DYNC2H1: variants seen among roughly 807,000 people sequenced by gnomAD.
DYNC2H1 encodes the protein dynein cytoplasmic 2 heavy chain 1.
A neutral mutation model predicts 570.0 loss-of-function variants in DYNC2H1; 410 were observed. The ratio of observed to expected loss-of-function variants is 0.72; its 90% CI spans 0.66 to 0.78. The LOEUF (loss-of-function observed/expected upper bound fraction) is 0.78. Ranked by LOEUF, DYNC2H1 falls within the 30% of genes least tolerant of loss-of-function variation. DYNC2H1 has a pLI of 0.00. For missense variants in DYNC2H1, 4,865 were observed against 5,046.4 expected, an observed-to-expected ratio of 0.96 and a Z score of 1.09; for synonymous variants, 1,688 against 1,677.6, an observed-to-expected ratio of 1.01 and a Z score of -0.15.
chr11:103,163,894 G>A lies in DYNC2H1; in HGVS notation c.4611+747G>A, dbSNP rs1309744146. ...ATAAAAAAAAATGTAGTGGCTATTG[G>A]AACAGGTTTTTATGTTGATTTTCTG... On this transcript the variant is annotated intron_variant, in intron 30 of 88. Coordinates refer to ENST00000375735, the MANE Select transcript of DYNC2H1 (RefSeq NM_001377.3). This position sits in a 1 kb window ranked among gnomAD's most constrained non-coding sequence, Gnocchi z 4.6. Among the ~76,000 whole-genome samples, 4 of 152,122 alleles carry A rather than the reference G, an allele frequency of 2.6e-5. No homozygotes were observed. The highest frequency in any genetic ancestry group is 4.4e-5 in the Non-Finnish European group (3 of 68,002).
At chr11:103,333,177 G>C (rs144479687) in intron 82 of DYNC2H1, among the ~76,000 whole-genome samples, 319 of 152,252 alleles carry the variant, frequency 2.1e-3, no homozygotes, top group Middle Eastern at 6.8e-3. Context: ...AATTATAAAA[G>C]TATTTCCATA....
At chr11:103,448,609 G>A (rs1021733711) in intron 85 of DYNC2H1, among the ~76,000 whole-genome samples, 1 of 152,144 alleles carries the variant, frequency 6.6e-6, no homozygotes. Context: ...GAAGAGGGTA[G>A]GGCAGAGAGA....
chr11:103,348,460 G>C (rs80000021), intron 82 of DYNC2H1, among the ~76,000 whole-genome samples: 2,576 of 152,012 alleles, frequency 0.017, 57 homozygotes, highest in African/African-American at 0.059. Flanking sequence ...TCTTTCTTCT[G>C]CCCTATTCCC....
Position 103,455,210 on chromosome 11 carries a change from C to T in DYNC2H1, c.12481C>T (p.Gln4161Ter). 1 of 1,613,120 alleles carries T rather than the reference C, an allele frequency of 6.2e-7. No individual in the cohort carries two copies. Among genetic ancestry groups the T allele is most frequent in the Non-Finnish European group, 8.5e-7 (1 of 1,179,392 alleles). The change falls in exon 86 of 89, where the codon CAG (glutamine) becomes TAG (stop). Residue 4161 changes from glutamine (Q) to a stop codon, truncating the protein, a stop_gained. Coordinates refer to ENST00000375735, the MANE Select transcript of DYNC2H1 (RefSeq NM_001377.3). LOFTEE classifies it high-confidence loss of function. ...GAACTGGGTAGATAAAGCTGAAAAACAGGCTCTTCTCTCTGAAACACTTGA... is the reference window on the plus strand; with the variant it reads ...GAACTGGGTAGATAAAGCTGAAAAATAGGCTCTTCTCTCTGAAACACTTGA... ...IQNWVDKAEK[Q>*]ALLSETLDLS... is the part of the protein sequence containing the mutation.
At chr11:103,269,502 TAGAG>T (rs1273013814) in intron 70 of DYNC2H1, among the ~76,000 whole-genome samples, 6 of 152,170 alleles carry the variant, frequency 3.9e-5, no homozygotes, top group South Asian at 2.1e-4. Flanking sequence ...ACTCTTGAAA[TAGAG>T]AGAGACTAGG....
chr11:103,423,446 A>G (rs1436322568), intron 84 of DYNC2H1, among the ~76,000 whole-genome samples: 8 of 150,654 alleles, frequency 5.3e-5, no homozygotes, highest in Admixed American at 5.3e-4. Flanking sequence ...AAACCCTGCA[A>G]CTGTGTCTCC....
At chr11:103,391,115 C>T (rs1942126840) in intron 83 of DYNC2H1, among the ~76,000 whole-genome samples, 1 of 152,150 alleles carries the variant, frequency 6.6e-6, no homozygotes, top group Admixed American at 6.6e-5. Flanking sequence ...TCCATTCTTC[C>T]CATCAGTTTC....
intron 83 of DYNC2H1, among the ~76,000 whole-genome samples, chr11:103,384,025 CTT>C (rs1941777715): frequency 6.6e-6 from 1 of 151,962 alleles, no homozygotes; most frequent in Non-Finnish European, 1.5e-5. Flanking sequence ...TGACAGTAAT[CTT>C]TTGAAATTTG....
chr11:103,161,194 G>A (rs976383855), intron 29 of DYNC2H1, 150 bp downstream of exon 29: 2 of 451,286 alleles, frequency 4.4e-6, no homozygotes, highest in Non-Finnish European at 7.9e-6. Context: ...GATTTGTTTT[G>A]TTAGTTTCGG....
chr11:103,320,263 G>A (rs1272751213), intron 80 of DYNC2H1, among the ~76,000 whole-genome samples: 2 of 152,094 alleles, frequency 1.3e-5, no homozygotes, highest in African/African-American at 2.4e-5. Flanking sequence ...AATTAGCGGC[G>A]TGGTGGCATG....
chr11:103,131,063 C>A (rs1859243096), intron 13 of DYNC2H1, among the ~76,000 whole-genome samples: 1 of 152,034 alleles, frequency 6.6e-6, no homozygotes, highest in Admixed American at 6.6e-5. Flanking sequence ...TCCTATATTC[C>A]AGAGACTTAC....
intron 84 of DYNC2H1, among the ~76,000 whole-genome samples, chr11:103,420,815 TAAAC>T: frequency 6.6e-6 from 1 of 152,060 alleles, no homozygotes; most frequent in East Asian, 1.9e-4. Flanking sequence ...AGAAACCACA[TAAAC>T]AAGTATGCAA....
intron 82 of DYNC2H1, among the ~76,000 whole-genome samples, chr11:103,352,137 A>G (rs1051181438): frequency 2.0e-5 from 3 of 152,070 alleles, no homozygotes; most frequent in Non-Finnish European, 2.9e-5. Context: ...TAATTTTACC[A>G]TTAGCTATCT....
intron 84 of DYNC2H1, chr11:103,402,609 G>A (rs4754931): frequency 0.51 from 77,546 of 151,842 alleles, 20,118 homozygotes; most frequent in African/African-American, 0.62. Context: ...GTAGATAGAG[G>A]CTTACTAGTA....
intron 59 of DYNC2H1, among the ~76,000 whole-genome samples, chr11:103,230,524 C>T (rs1197412513): frequency 1.3e-5 from 2 of 152,110 alleles, no homozygotes; most frequent in Non-Finnish European, 2.9e-5. Flanking sequence ...GTTTTATTAG[C>T]GGTAGTCAGC....
chr11:103,241,671 T>A lies in DYNC2H1; in HGVS notation c.9820-2022T>A, dbSNP rs768290172. On this transcript the variant is annotated intron_variant, in intron 63 of 88. Coordinates refer to ENST00000375735, the MANE Select transcript of DYNC2H1 (RefSeq NM_001377.3). The surrounding 1 kb of genome is among the most constrained non-coding windows in gnomAD (Gnocchi z 5.1). Reference sequence around the variant, plus strand: ...CAAAAACCTAGGTGCAGCACCATGGTAACACTTCACAGGCTATTTACTAAC... The same window carrying A: ...CAAAAACCTAGGTGCAGCACCATGGAAACACTTCACAGGCTATTTACTAAC... 65 of 741,282 alleles carry A rather than the reference T, an allele frequency of 8.8e-5. No individual in the cohort carries two copies. Among genetic ancestry groups the A allele is most frequent in the Non-Finnish European group, 1.1e-4 (52 of 454,078 alleles). 45.9% of individuals were successfully genotyped at this position (741,282 alleles called of 1,614,324 possible).
rs761640167 is a variant in DYNC2H1, at chr11:103,243,770, T to C, written c.9897T>C (p.Arg3299=). ...EWLKTHLKDS[R]LEVINQQDSN... ...TAAAAACACATTTGAAAGACTCACG[T>C]TTAGAAGTTATCAATCAGCAGGTAT... Residue 3299 remains arginine (R), a synonymous_variant, in exon 64 of 89, where the codon CGT becomes CGC. Transcript: ENST00000375735. The surrounding 1 kb of genome is among the most constrained non-coding windows in gnomAD (Gnocchi z 4.8). 2 of 1,595,750 alleles carry C rather than the reference T, an allele frequency of 1.3e-6. No homozygotes were observed. The highest frequency in any genetic ancestry group is 1.1e-5 in the South Asian group (1 of 88,004).
In DYNC2H1 at chr11:103,170,208, C is replaced by A. The variant is rs757683265; in HGVS notation, c.5069C>A (p.Pro1690Gln). The change falls in exon 33 of 89, where the codon CCA (proline) becomes CAA (glutamine). Residue 1690 changes from proline to glutamine, a missense_variant. Around this residue, in one of 5 missense-constraint regions of DYNC2H1, gnomAD observed 1,936 missense variants for 1,962.1 expected, o/e 0.99. Coordinates refer to ENST00000375735, the MANE Select transcript of DYNC2H1 (RefSeq NM_001377.3). The surrounding 1 kb of genome is among the most constrained non-coding windows in gnomAD (Gnocchi z 4.8). ...GGACTTGGAGGAAATCCTTATGGAC[C>A]AGCTGGAACTGGGAAAACGGAATCA... is the stretch of plus-strand genomic sequence containing the variant. ...KMGLGGNPYG[P>Q]AGTGKTESVK... is the part of the protein sequence containing the mutation. The A allele has an allele frequency of 6.2e-7, 1 of 1,612,658 alleles. No homozygotes were observed. The highest frequency in any genetic ancestry group is 8.5e-7 in the Non-Finnish European group (1 of 1,179,288).
rs1348259705 is a variant in DYNC2H1 at position 103,299,361 on chromosome 11, A to G, written c.11096-3732A>G. Among the ~76,000 whole-genome samples the G allele has an allele frequency of 6.6e-6, 1 of 152,086 alleles. No homozygotes were observed. The highest frequency in any genetic ancestry group is 1.5e-5 in the Non-Finnish European group (1 of 67,982). Reference sequence around the variant, plus strand: ...TGCTAGAAATTTATCAGGTTTAAACAATGCCCAGTTATCATCTTCTGCAGG... The same window carrying G: ...TGCTAGAAATTTATCAGGTTTAAACGATGCCCAGTTATCATCTTCTGCAGG... On this transcript the variant is annotated intron_variant, in intron 75 of 88. Transcript: ENST00000375735. This position sits in a 1 kb window ranked among gnomAD's most constrained non-coding sequence, Gnocchi z 4.5.
Sources: allele counts gnomAD v4.1 joint callset (sites outside exome capture counted in the v4.1 genomes callset), GRCh38; gene constraint gnomAD v4.1.1; regional missense constraint gnomAD v4.1.1; non-coding constraint Gnocchi (gnomAD v3.1); transcripts MANE v1.5; gene names NCBI Gene and HGNC (gene_info 2026-07-23, HGNC 2026-07-21).